The following CDH2 variants were observed in gnomAD, a reference collection of about 807,000 sequenced individuals.
CDH2 encodes cadherin-2.
CDH2 carries 17 observed loss-of-function variants against 92.0 expected under a neutral mutation model. The ratio of observed to expected loss-of-function variants is 0.18; its 90% CI spans 0.13 to 0.28. The LOEUF (loss-of-function observed/expected upper bound fraction) is 0.28. Among genes scored for constraint, CDH2 ranks in the 10% least tolerant of loss-of-function variants. CDH2 has a pLI of 1.00. For missense variants in CDH2, 862 were observed against 1,133.1 expected (o/e 0.76, Z 3.44); for synonymous variants, 419 against 415.9 (o/e 1.01, Z -0.09).
intron 1 of CDH2, among the ~76,000 whole-genome samples, chr18:28,154,601 A>C (rs1205137023): frequency 6.6e-6 from 1 of 152,128 alleles, no homozygotes; most frequent in Non-Finnish European, 1.5e-5. Flanking sequence ...TTCTTGTTCA[A>C]ATTTTTCCAC....
At position 28,171,079 on chromosome 18, in the gene CDH2, C is replaced by T. The variant is rs140215857; in HGVS notation, c.60+5884G>A. 3.1e-3 allele frequency among the ~76,000 whole-genome samples: 473 copies of T among 152,100 alleles called. 3 individuals carry two copies. The highest frequency in any genetic ancestry group is 0.011 in the African/African-American group (444 of 41,486). ...TGAAACCTCATCTCTACTAAATATA[C>T]AAAAATTAGCTGGGCATGGTGGCAC... On this transcript the variant is annotated intron_variant, in intron 1 of 15. Coordinates refer to ENST00000269141, the MANE Select transcript of CDH2 (RefSeq NM_001792.5).
At chr18:27,994,825 C>T (rs1228614344) in intron 7 of CDH2, among the ~76,000 whole-genome samples, 2 of 152,028 alleles carry the variant, frequency 1.3e-5, no homozygotes, top group African/African-American at 4.8e-5. Context: ...CCAAACCGCC[C>T]ACACTAGATT....
At chr18:28,027,403 C>T (rs981963076) in intron 2 of CDH2, among the ~76,000 whole-genome samples, 1 of 151,934 alleles carries the variant, frequency 6.6e-6, no homozygotes, top group African/African-American at 2.4e-5. Context: ...ATTACAAAGT[C>T]TATTAGGAGC....
chr18:28,124,122 A>AT (rs951368432), intron 2 of CDH2, among the ~76,000 whole-genome samples: 50 of 149,346 alleles, frequency 3.3e-4, no homozygotes, highest in Non-Finnish European at 5.1e-4. Context: ...GCCTGTAGTG[A>AT]TTTTTTTTTT....
At chr18:28,127,891 G>T (rs1220206085) in intron 2 of CDH2, among the ~76,000 whole-genome samples, 1 of 152,128 alleles carries the variant, frequency 6.6e-6, no homozygotes, top group African/African-American at 2.4e-5. Context: ...GGTAATACTG[G>T]CCAAGAATGG....
rs199999051 is a variant in CDH2, at chr18:27,993,581, T to C, written c.1077A>G (p.Thr359=). 1 of 1,613,646 alleles carries C rather than the reference T, an allele frequency of 6.2e-7. No homozygotes were observed. The highest frequency in any genetic ancestry group is 8.5e-7 in the Non-Finnish European group (1 of 1,179,664). ...CCGTGGCTGTGTTTGAAAGGCCATATGTGGGATTGCCTTCCATGTCTGTAG... is the reference window on the plus strand; with the variant it reads ...CCGTGGCTGTGTTTGAAAGGCCATACGTGGGATTGCCTTCCATGTCTGTAG... ...IQATDMEGNP[T]YGLSNTATAV... is the part of the protein sequence containing the mutation. Residue 359 remains threonine, a synonymous_variant, in exon 8 of 16, where the codon ACA becomes ACG. Transcript: ENST00000269141.
chr18:27,953,652 T>G (rs1909571078), intron 15 of CDH2, among the ~76,000 whole-genome samples: 1 of 50,890 alleles, frequency 2.0e-5, no homozygotes, highest in Non-Finnish European at 8.4e-5. Flanking sequence ...AGCAAAAAAA[T>G]TAAGGTCAGA....
In CDH2 at chr18:28,074,364, C is replaced by T. The variant is rs576091890; in HGVS notation, c.173-60455G>A. Among the ~76,000 whole-genome samples, 11 of 152,234 alleles carry T rather than the reference C, an allele frequency of 7.2e-5. No homozygotes were observed. The East Asian group carries it at 1.2e-3, about 16-fold the overall frequency. ...ATTTTTAATAAAACATTACTATCCA[C>T]GACATTAAATTAACTCTCTAATTCC... On this transcript the variant is annotated intron_variant, in intron 2 of 15. Transcript: ENST00000269141.
chr18:28,131,073 G>T (rs1003558036), intron 2 of CDH2, among the ~76,000 whole-genome samples: 2 of 152,146 alleles, frequency 1.3e-5, no homozygotes, highest in African/African-American at 4.8e-5. Context: ...GAGAGCAAAT[G>T]CCATGTAGGA....
At chr18:28,105,545 A>C (rs546398226) in intron 2 of CDH2, among the ~76,000 whole-genome samples, 15 of 152,292 alleles carry the variant, frequency 9.8e-5, no homozygotes, top group African/African-American at 3.4e-4. Flanking sequence ...AGTCTCAATT[A>C]AACAGAACAT....
At chr18:28,031,519 C>T (rs1160376720) in intron 2 of CDH2, among the ~76,000 whole-genome samples, 1 of 152,074 alleles carries the variant, frequency 6.6e-6, no homozygotes, top group Non-Finnish European at 1.5e-5. Context: ...CTTAACAAAG[C>T]CCCTGGCCCT....
chr18:27,959,990 G>A (rs1283805743), intron 15 of CDH2, among the ~76,000 whole-genome samples: 10 of 149,380 alleles, frequency 6.7e-5, no homozygotes, highest in Non-Finnish European at 1.3e-4. Context: ...ACTCCAGCCT[G>A]AGCAACAGAG....
At chr18:27,979,732 T>C (rs2011976898) in intron 14 of CDH2, among the ~76,000 whole-genome samples, 1 of 149,440 alleles carries the variant, frequency 6.7e-6, no homozygotes, top group Non-Finnish European at 1.5e-5. Flanking sequence ...TGATATCCAT[T>C]TACATAAAAG....
chr18:28,176,821 G>C (rs1229621821), intron 1 of CDH2, 142 bp downstream of exon 1: 9 of 270,798 alleles, frequency 3.3e-5, no homozygotes, highest in Admixed American at 2.6e-4. Context: ...GCAGCTACCG[G>C]CCGCGCGGCG....
At chr18:28,075,247 T>C (rs2014696656) in intron 2 of CDH2, among the ~76,000 whole-genome samples, 1 of 152,142 alleles carries the variant, frequency 6.6e-6, no homozygotes, top group African/African-American at 2.4e-5. Context: ...AGAGTCCATA[T>C]GGGATCACAT....
At chr18:27,954,641 CT>C (rs1329560062) in intron 15 of CDH2, 1 of 152,098 alleles carries the variant, frequency 6.6e-6, no homozygotes, top group Admixed American at 6.5e-5. Context: ...AGAAGTAAAC[CT>C]TCATTATTAT....
intron 2 of CDH2, among the ~76,000 whole-genome samples, chr18:28,017,904 G>C (rs1306434328): frequency 5.3e-5 from 8 of 152,096 alleles, no homozygotes. Context: ...AGTACTGGAA[G>C]TCCTAGCCGG....
intron 15 of CDH2, chr18:27,954,758 G>C (rs906297009): frequency 6.6e-6 from 1 of 152,180 alleles, no homozygotes; most frequent in African/African-American, 2.4e-5. Context: ...GATTCAAGAT[G>C]TATTTGTTGA....
intron 14 of CDH2, among the ~76,000 whole-genome samples, chr18:27,968,909 G>C (rs537698309): frequency 6.6e-6 from 1 of 152,254 alleles, no homozygotes; most frequent in Admixed American, 6.5e-5. Context: ...AATGGAAGGT[G>C]GGAGAGAAGA....
Sources: allele counts gnomAD v4.1 joint callset (sites outside exome capture counted in the v4.1 genomes callset), GRCh38; gene constraint gnomAD v4.1.1; transcripts MANE v1.5; gene names NCBI Gene and HGNC (gene_info 2026-07-23, HGNC 2026-07-21).